GPALPP1: variants seen among roughly 807,000 people sequenced by gnomAD.
The protein encoded by GPALPP1 is GPALPP motifs-containing protein 1.
GPALPP1 carries 30 observed loss-of-function variants against 38.9 expected under a neutral mutation model. The ratio of observed to expected loss-of-function variants is 0.77; its 90% CI spans 0.58 to 1.05. GPALPP1 has a LOEUF of 1.05. GPALPP1 is among the 50% of genes least tolerant of loss of function. GPALPP1 has a pLI of 0.00. For synonymous variants in GPALPP1, 120 were observed against 139.2 expected (o/e 0.86, Z 0.97); for missense variants, 384 against 408.8 (o/e 0.94, Z 0.52).
intron 1 of GPALPP1, among the ~76,000 whole-genome samples, chr13:44,991,255 T>G (rs1382497357): frequency 6.6e-6 from 1 of 152,036 alleles, no homozygotes; most frequent in Non-Finnish European, 1.5e-5. Context: ...GAGACCATTC[T>G]GGCCAACATG....
In GPALPP1 at chr13:45,030,009, TTAC is replaced by T. The variant is rs936964840; in HGVS notation, c.*2008_*2010del. ...CCTGGAACTTTGCTTTGGGACAACTTTACTTTACCCATTTATATGCTGTACTTA... is the reference window on the plus strand; with the variant it reads ...CCTGGAACTTTGCTTTGGGACAACTTTTTACCCATTTATATGCTGTACTTA... On this transcript the variant is annotated 3_prime_UTR_variant, in exon 8 of 8. Coordinates refer to ENST00000379151, the MANE Select transcript of GPALPP1 (RefSeq NM_018559.5). 37 of 127,200 alleles carry T rather than the reference TTAC, an allele frequency of 2.9e-4. No individual in the cohort carries two copies. Among genetic ancestry groups the T allele is most frequent in the Non-Finnish European group, 5.2e-4 (33 of 63,976 alleles). The allele number at this position is 127,200 out of a possible 1,614,324, so 7.9% of individuals were successfully genotyped here. A position where few individuals can be genotyped will look rare whatever the true frequency, so the allele number is the denominator to read the frequency against.
At chr13:45,004,532 A>G (rs1873937101) in intron 2 of GPALPP1, 95 bp downstream of exon 2, 2 of 754,408 alleles carry the variant, frequency 2.7e-6, no homozygotes, top group Non-Finnish European at 4.5e-6. Context: ...TCATATTTCC[A>G]TTTATACAGC....
chr13:45,029,949 A>G lies in GPALPP1; in HGVS notation c.*1946A>G, dbSNP rs1876109527. On this transcript the variant is annotated 3_prime_UTR_variant, in exon 8 of 8. Transcript: ENST00000379151. ...CTGTTAGCATTGTGAAATCTGTAAGACTCAATCTCTGATCTCAACCAAAGC... is the reference window on the plus strand; with the variant it reads ...CTGTTAGCATTGTGAAATCTGTAAGGCTCAATCTCTGATCTCAACCAAAGC... The G allele has an allele frequency of 6.6e-6, 1 of 152,122 alleles. No homozygotes were observed. The highest frequency in any genetic ancestry group is 1.5e-5 in the Non-Finnish European group (1 of 68,026). 9.4% of individuals were successfully genotyped at this position (152,122 alleles called of 1,614,324 possible).
intron 2 of GPALPP1, 106 bp downstream of exon 2, chr13:45,004,543 A>C (rs539760598): frequency 1.5e-6 from 1 of 668,328 alleles, no homozygotes; most frequent in African/African-American, 1.8e-5. Flanking sequence ...TTTATACAGC[A>C]CAGGGAGAAA....
chr13:45,025,599 A>G (rs1415279465), intron 7 of GPALPP1, among the ~76,000 whole-genome samples: 3 of 152,044 alleles, frequency 2.0e-5, no homozygotes, highest in Non-Finnish European at 4.4e-5. Flanking sequence ...CCCTCCCTCA[A>G]AAATTTAGAA....
chr13:45,013,249 A>G (rs1314301900), intron 4 of GPALPP1, among the ~76,000 whole-genome samples: 2 of 152,162 alleles, frequency 1.3e-5, no homozygotes, highest in Non-Finnish European at 2.9e-5. Context: ...TGCCTTCATC[A>G]TACCAAGCAG....
intron 1 of GPALPP1, among the ~76,000 whole-genome samples, chr13:44,991,966 G>C (rs1872836070): frequency 6.6e-6 from 1 of 152,142 alleles, no homozygotes; most frequent in Admixed American, 6.5e-5. Context: ...TTGCTATATA[G>C]TCATCCATTA....
intron 1 of GPALPP1, 98 bp downstream of exon 1, chr13:44,989,840 G>A: frequency 2.3e-6 from 2 of 858,170 alleles, no homozygotes; most frequent in East Asian, 2.6e-5. Flanking sequence ...GAGGGCGGAG[G>A]AGTGGGGAGT....
chr13:45,025,773 AT>A (rs60384935), intron 7 of GPALPP1, among the ~76,000 whole-genome samples: 2,127 of 139,574 alleles, frequency 0.015, 28 homozygotes, highest in African/African-American at 0.037. Flanking sequence ...TTGATTATCT[AT>A]TTTTTTTTTT....
At chr13:45,018,419 C>T (rs1159753499) in intron 6 of GPALPP1, among the ~76,000 whole-genome samples, 2 of 151,212 alleles carry the variant, frequency 1.3e-5, no homozygotes, top group African/African-American at 2.4e-5. Context: ...AAAGATTGCT[C>T]TTTAGAAAGT....
intron 4 of GPALPP1, among the ~76,000 whole-genome samples, chr13:45,013,595 C>T (rs1389871200): frequency 6.6e-6 from 1 of 152,082 alleles, no homozygotes; most frequent in Non-Finnish European, 1.5e-5. Context: ...TATTTTTCCC[C>T]AGGTGTTAGA....
At position 45,004,417 on chromosome 13, in the gene GPALPP1, T is replaced by A. The variant is rs765441196; in HGVS notation, c.201T>A (p.Asp67Glu). Residue 67 changes from aspartate to glutamate, a missense_variant, in exon 2 of 8, where the codon GAT (aspartate) becomes GAA (glutamate). Asp to Glu is a conservative substitution (Grantham distance 45). Transcript: ENST00000379151. ...AAGGAAATCAAGAATCTGAAGAAGA[T>A]GACAGTGGTCCAACTGCAAGGTCAG... The part of the protein sequence containing the change: ...YEEGNQESEE[D>E]DSGPTARKQR... 6.2e-7 allele frequency: 1 copy of A among 1,610,390 alleles called. No individual in the cohort carries two copies. Among genetic ancestry groups the A allele is most frequent in the African/African-American group, 1.3e-5 (1 of 74,872 alleles).
chr13:45,004,555 C>A, intron 2 of GPALPP1, 118 bp downstream of exon 2: 1 of 628,812 alleles, frequency 1.6e-6, no homozygotes, highest in East Asian at 2.8e-5. Flanking sequence ...AGGGAGAAAT[C>A]ATTTTGTGTG....
chr13:45,027,487 C>T (rs180731925), intron 7 of GPALPP1, among the ~76,000 whole-genome samples: 132 of 152,214 alleles, frequency 8.7e-4, no homozygotes, highest in Non-Finnish European at 1.5e-3. Flanking sequence ...CCTTCCTATC[C>T]GTCCATTTAG....
intron 7 of GPALPP1, among the ~76,000 whole-genome samples, chr13:45,020,653 A>C (rs1230709302): frequency 6.6e-6 from 1 of 151,856 alleles, no homozygotes; most frequent in Non-Finnish European, 1.5e-5. Context: ...AAAAAAAAAA[A>C]AAGGAAGCCA....
intron 1 of GPALPP1, among the ~76,000 whole-genome samples, chr13:44,996,802 TTTTTTTTC>T (rs1057040520): frequency 3.4e-5 from 5 of 146,870 alleles, no homozygotes; most frequent in South Asian, 2.3e-4. Flanking sequence ...TTTTTTTTTT[TTTTTTTTC>T]CAGTTTTTAA....
At position 45,010,624 on chromosome 13, in the gene GPALPP1, A is replaced by G. The variant is rs117570226; in HGVS notation, c.408+1745A>G. ...CATACATCAGTTTCTAACATTGTCA[A>G]TTATTCAAAAGATGAGACAAAATAT... On this transcript the variant is annotated intron_variant, in intron 4 of 7. Coordinates refer to ENST00000379151, the MANE Select transcript of GPALPP1 (RefSeq NM_018559.5). 5.4e-3 allele frequency among the ~76,000 whole-genome samples: 821 copies of G among 152,334 alleles called. 3 individuals are homozygous for G. The highest frequency in any genetic ancestry group is 8.7e-3 in the Non-Finnish European group (595 of 68,026).
chr13:45,024,850 CAGG>C (rs900314774), intron 7 of GPALPP1, among the ~76,000 whole-genome samples: 1 of 152,018 alleles, frequency 6.6e-6, no homozygotes, highest in African/African-American at 2.4e-5. Flanking sequence ...CACTTGAACT[CAGG>C]AGGCTTGCAG....
chr13:45,020,581 T>C (rs1040380195), intron 7 of GPALPP1, among the ~76,000 whole-genome samples, 153 bp downstream of exon 7: 2 of 152,042 alleles, frequency 1.3e-5, no homozygotes, highest in African/African-American at 4.8e-5. Flanking sequence ...AAAAACAATT[T>C]TTTTAAATTA....
Sources: gnomAD v4.1 joint callset for allele counts (sites outside exome capture counted in the v4.1 genomes callset) on GRCh38, gnomAD v4.1.1 for gene constraint, MANE v1.5 for transcripts, NCBI Gene and HGNC (gene_info 2026-07-23, HGNC 2026-07-21) for gene names.